LINGO2: variants seen among roughly 807,000 people sequenced by gnomAD.
The protein encoded by LINGO2 is leucine-rich repeat and immunoglobulin-like domain-containing nogo receptor-interacting protein 2.
A neutral mutation model predicts 30.6 loss-of-function variants in LINGO2; 14 were observed. The observed-to-expected ratio is 0.46, with a 90% confidence interval of 0.30 to 0.72. LINGO2 has a LOEUF of 0.72. Among genes scored for constraint, LINGO2 ranks in the 30% least tolerant of loss-of-function variants. The probability of loss-of-function intolerance (pLI) is 0.07; values close to 1 mark genes in which losing one functional copy is unlikely to be tolerated. For synonymous variants in LINGO2, 317 were observed against 288.5 expected, an observed-to-expected ratio of 1.10 and a Z score of -1.00; for missense variants, 729 against 751.7, an observed-to-expected ratio of 0.97 and a Z score of 0.35.
At chr9:28,225,693 A>G (rs1453696478) in intron 4 of LINGO2, among the ~76,000 whole-genome samples, 1 of 152,146 alleles carries the variant, frequency 6.6e-6, no homozygotes, top group Non-Finnish European at 1.5e-5. Context: ...TTAAATAGAA[A>G]TATGAGCAAA....
chr9:29,192,662 T>C, the LINGO2 span, among the ~76,000 whole-genome samples: 3 of 152,200 alleles, frequency 2.0e-5, no homozygotes. Flanking sequence ...TGTTAATACA[T>C]CTCAATTCGG....
the LINGO2 span, among the ~76,000 whole-genome samples, chr9:28,972,854 C>T: frequency 1.3e-5 from 2 of 152,118 alleles, no homozygotes; most frequent in Non-Finnish European, 2.9e-5. Flanking sequence ...TATTCACTGT[C>T]ACGAGAACAG....
At chr9:28,029,367 C>G (rs1823547739) in intron 4 of LINGO2, among the ~76,000 whole-genome samples, 1 of 152,120 alleles carries the variant, frequency 6.6e-6, no homozygotes, top group Non-Finnish European at 1.5e-5. Flanking sequence ...AATATATTGA[C>G]AAACACTAAA....
chr9:28,049,902 G>T (rs576994744), intron 4 of LINGO2, among the ~76,000 whole-genome samples: 1 of 150,708 alleles, frequency 6.6e-6, no homozygotes, highest in East Asian at 2.0e-4. Context: ...ACATGATCAG[G>T]GTTGTTTTTC....
chr9:29,060,559 G>A, the LINGO2 span, among the ~76,000 whole-genome samples: 1 of 151,876 alleles, frequency 6.6e-6, no homozygotes, highest in Non-Finnish European at 1.5e-5. Context: ...CTTCATTGAA[G>A]ATAACTCACA....
At chr9:28,117,274 A>G (rs1385668318) in intron 4 of LINGO2, among the ~76,000 whole-genome samples, 1 of 151,122 alleles carries the variant, frequency 6.6e-6, no homozygotes, top group African/African-American at 2.4e-5. Flanking sequence ...CCGTTCTCAG[A>G]TCTCCGGCTG....
intron 4 of LINGO2, among the ~76,000 whole-genome samples, chr9:28,030,473 T>C (rs1483625255): frequency 1.3e-5 from 2 of 152,156 alleles, no homozygotes; most frequent in Non-Finnish European, 2.9e-5. Flanking sequence ...AAAGATGAAA[T>C]TTTAAAAGGT....
At chr9:28,936,417 C>T in the LINGO2 span, among the ~76,000 whole-genome samples, 524 of 152,240 alleles carry the variant, frequency 3.4e-3, 2 homozygotes, top group Non-Finnish European at 5.0e-3. Context: ...CAAATGGATA[C>T]AATGGTTTCC....
At chr9:28,740,395 A>AT in the LINGO2 span, among the ~76,000 whole-genome samples, 111 of 151,940 alleles carry the variant, frequency 7.3e-4, 1 homozygote, top group African/African-American at 2.5e-3. Context: ...CCCTTCCATC[A>AT]TATCAGTTTT....
chr9:28,403,815 C>T (rs6476065), intron 2 of LINGO2, among the ~76,000 whole-genome samples: 88,710 of 151,938 alleles, frequency 0.58, 26,295 homozygotes, highest in East Asian at 0.79. Flanking sequence ...GGACTGGATC[C>T]TACTCAAATA....
intron 4 of LINGO2, among the ~76,000 whole-genome samples, chr9:28,285,466 C>T (rs904092826): frequency 1.6e-5 from 2 of 122,136 alleles, no homozygotes; most frequent in South Asian, 2.8e-4. Flanking sequence ...AGTGCAGTGG[C>T]GTGATCTCAG....
the LINGO2 span, among the ~76,000 whole-genome samples, chr9:29,021,963 G>T: frequency 4.6e-5 from 7 of 151,948 alleles, no homozygotes; most frequent in Non-Finnish European, 5.9e-5. Flanking sequence ...CAAAAATTGA[G>T]GTTAAAATAA....
At chr9:28,668,526 ATG>A (rs1250824506) in intron 1 of LINGO2, among the ~76,000 whole-genome samples, 3 of 151,952 alleles carry the variant, frequency 2.0e-5, no homozygotes, top group African/African-American at 7.2e-5. Flanking sequence ...TAGATTAATA[ATG>A]TGTTTCACTT....
At chr9:28,398,542 A>G (rs1405229284) in intron 2 of LINGO2, among the ~76,000 whole-genome samples, 1 of 152,272 alleles carries the variant, frequency 6.6e-6, no homozygotes, top group South Asian at 2.1e-4. Flanking sequence ...TCCATTCAGA[A>G]AAGAATTAAG....
At chr9:29,060,545 AC>A in the LINGO2 span, among the ~76,000 whole-genome samples, 1 of 152,078 alleles carries the variant, frequency 6.6e-6, no homozygotes, top group African/African-American at 2.4e-5. Context: ...AAATCCAAGA[AC>A]CACTTCATTG....
intron 4 of LINGO2, among the ~76,000 whole-genome samples, chr9:28,169,108 G>A (rs777592916): frequency 1.5e-4 from 23 of 152,004 alleles, no homozygotes; most frequent in African/African-American, 2.7e-4. Context: ...ATTAATATAC[G>A]GACTAAATAT....
chr9:28,762,502 C>T, the LINGO2 span, among the ~76,000 whole-genome samples: 33 of 152,024 alleles, frequency 2.2e-4, no homozygotes, highest in Non-Finnish European at 4.0e-4. Context: ...GTCCCTCCCC[C>T]AAACTAAAGT....
At chr9:29,189,057 G>A in the LINGO2 span, among the ~76,000 whole-genome samples, 4 of 105,934 alleles carry the variant, frequency 3.8e-5, no homozygotes, top group Non-Finnish European at 8.4e-5. Flanking sequence ...CGGGCGGGGG[G>A]CTGACCCCCC....
At chr9:28,175,077 T>C (rs1828712654) in intron 4 of LINGO2, among the ~76,000 whole-genome samples, 1 of 152,128 alleles carries the variant, frequency 6.6e-6, no homozygotes, top group Non-Finnish European at 1.5e-5. Flanking sequence ...GAATTTAATC[T>C]ACTCTCTTCA....
Sources: gnomAD v4.1 joint callset for allele counts (sites outside exome capture counted in the v4.1 genomes callset) on GRCh38, gnomAD v4.1.1 for gene constraint, MANE v1.5 for transcripts, NCBI Gene and HGNC (gene_info 2026-07-23, HGNC 2026-07-21) for gene names.